The following PXDNL variants were observed in gnomAD, a reference collection of about 807,000 sequenced individuals.
The protein encoded by PXDNL is peroxidasin like, also known as probable oxidoreductase PXDNL.
A neutral mutation model predicts 150.8 loss-of-function variants in PXDNL; 145 were observed. The observed-to-expected ratio is 0.96, with a 90% CI of 0.84 to 1.10. The LOEUF (loss-of-function observed/expected upper bound fraction) is 1.10. PXDNL is among the 50% of genes least tolerant of loss of function. The probability of loss-of-function intolerance (pLI) is 0.00; values close to 1 mark genes in which losing one functional copy is unlikely to be tolerated. For missense variants in PXDNL, 2,087 were observed against 1,873.9 expected (o/e 1.11, Z -2.10); for synonymous variants, 757 against 725.7 (o/e 1.04, Z -0.69).
intron 4 of PXDNL, among the ~76,000 whole-genome samples, chr8:51,552,345 AAAG>A (rs1812507997): frequency 6.6e-6 from 1 of 152,176 alleles, no homozygotes; most frequent in Non-Finnish European, 1.5e-5. Context: ...ACCCACAGAA[AAAG>A]AAGTTATTAT....
At chr8:51,738,289 C>T (rs1266494293) in intron 1 of PXDNL, among the ~76,000 whole-genome samples, 1 of 152,148 alleles carries the variant, frequency 6.6e-6, no homozygotes, top group Non-Finnish European at 1.5e-5. Flanking sequence ...GATAGCCAGC[C>T]CTGCTCTCCA....
intron 2 of PXDNL, among the ~76,000 whole-genome samples, chr8:51,641,267 G>C (rs1814747686): frequency 6.6e-6 from 1 of 151,214 alleles, no homozygotes; most frequent in Non-Finnish European, 1.5e-5. Flanking sequence ...CAAAACCTAG[G>C]CATTACCATT....
chr8:51,808,568 C>T (rs1436094054), intron 1 of PXDNL, among the ~76,000 whole-genome samples: 10 of 152,188 alleles, frequency 6.6e-5, no homozygotes, highest in Admixed American at 6.5e-4. Context: ...TCTGGTTTGC[C>T]CTACTATCCC....
At chr8:51,511,498 G>T (rs1263600057) in intron 4 of PXDNL, among the ~76,000 whole-genome samples, 2 of 152,220 alleles carry the variant, frequency 1.3e-5, no homozygotes, top group African/African-American at 2.4e-5. Context: ...TGGTGCTGAG[G>T]TCAGCACGGG....
chr8:51,365,220 G>A (rs1465367850), intron 19 of PXDNL, among the ~76,000 whole-genome samples: 2 of 152,224 alleles, frequency 1.3e-5, no homozygotes, highest in Non-Finnish European at 2.9e-5. Flanking sequence ...TTACAGGCTT[G>A]AGCCACCAGG....
chr8:51,377,418 T>G (rs2915502), intron 17 of PXDNL, among the ~76,000 whole-genome samples: 4 of 152,116 alleles, frequency 2.6e-5, no homozygotes, highest in Admixed American at 6.5e-5. Flanking sequence ...ACTCTGGCCG[T>G]GCTTGAGGGG....
At chr8:51,694,544 T>C (rs565918618) in intron 1 of PXDNL, among the ~76,000 whole-genome samples, 1 of 152,290 alleles carries the variant, frequency 6.6e-6, no homozygotes, top group East Asian at 1.9e-4. Context: ...GATTCGTATA[T>C]TGTCTGACAC....
chr8:51,413,034 G>A (rs1019662504), intron 15 of PXDNL, 116 bp downstream of exon 15: 24 of 648,828 alleles, frequency 3.7e-5, no homozygotes, highest in Admixed American at 1.0e-4. Context: ...GCATACACAA[G>A]GACTAAAGAA....
At chr8:51,472,398 T>G in intron 7 of PXDNL, 94 bp from the exon 8 acceptor site, 1 of 893,122 alleles carries the variant, frequency 1.1e-6, no homozygotes, top group South Asian at 1.6e-5. Context: ...TTAAATTTAT[T>G]TCTACATTAA....
In PXDNL at chr8:51,408,635, C is replaced by T; in HGVS notation, c.2989G>A (p.Val997Ile). The T allele has an allele frequency of 6.2e-7, 1 of 1,608,236 alleles. No homozygotes were observed. Among genetic ancestry groups the T allele is most frequent in the Non-Finnish European group, 8.5e-7 (1 of 1,177,258 alleles). ...ALNPHWEGNT[V>I]YQEARKIVGA... ...ACGATCTTCCTGGCTTCCTGGTAAA[C>T]CGTGTTTCCCTCCCAGTGGGGGTTC... Residue 997 changes from valine (V) to isoleucine (I), a missense_variant, in exon 17 of 23, where the codon GTT becomes ATT. Coordinates refer to ENST00000356297, the MANE Select transcript of PXDNL (RefSeq NM_144651.5).
At chr8:51,593,458 T>C (rs1813492588) in intron 2 of PXDNL, among the ~76,000 whole-genome samples, 1 of 152,230 alleles carries the variant, frequency 6.6e-6, no homozygotes, top group Admixed American at 6.5e-5. Context: ...CACATGTTCC[T>C]GAATATTCTA....
intron 17 of PXDNL, among the ~76,000 whole-genome samples, chr8:51,377,979 G>GCTC (rs1394614057): frequency 6.6e-6 from 1 of 152,260 alleles, no homozygotes; most frequent in Non-Finnish European, 1.5e-5. Context: ...AGCCAGCTGG[G>GCTC]CTCCTGAGTC....
intron 1 of PXDNL, among the ~76,000 whole-genome samples, chr8:51,758,553 C>T (rs764491500): frequency 6.6e-6 from 1 of 152,150 alleles, no homozygotes; most frequent in Non-Finnish European, 1.5e-5. Context: ...AAGGGCGAGA[C>T]GTACTGGAGA....
intron 12 of PXDNL, among the ~76,000 whole-genome samples, chr8:51,438,416 C>T (rs1809458476): frequency 6.6e-6 from 1 of 152,134 alleles, no homozygotes; most frequent in African/African-American, 2.4e-5. Flanking sequence ...TCAAACTATA[C>T]TATAAGGTCA....
rs969411492 is a variant in PXDNL at position 51,654,624 on chromosome 8, C to T, written c.236+65G>A. 28 of 1,215,082 alleles carry T rather than the reference C, an allele frequency of 2.3e-5. 1 individual carries two copies. The highest frequency in any genetic ancestry group is 1.9e-4 in the South Asian group (15 of 80,844). The allele number at this position is 1,215,082 out of a possible 1,614,324, so 75.3% of individuals were successfully genotyped here. ...TTCTTGACACTCAGAATGACTTTCACGGTAAATTGCCATCCAACCAGCATA... is the reference window on the plus strand; with the variant it reads ...TTCTTGACACTCAGAATGACTTTCATGGTAAATTGCCATCCAACCAGCATA... On this transcript the variant is annotated intron_variant, in intron 2 of 22. Coordinates refer to ENST00000356297, the MANE Select transcript of PXDNL (RefSeq NM_144651.5).
chr8:51,732,087 C>G (rs1816944766), intron 1 of PXDNL, among the ~76,000 whole-genome samples: 1 of 152,204 alleles, frequency 6.6e-6, no homozygotes, highest in Non-Finnish European at 1.5e-5. Flanking sequence ...TCATCAGGCT[C>G]CAAATTTTCC....
intron 17 of PXDNL, among the ~76,000 whole-genome samples, chr8:51,376,209 C>T (rs562986347): frequency 2.0e-5 from 3 of 152,324 alleles, no homozygotes; most frequent in South Asian, 4.1e-4. Context: ...ACAATTCATA[C>T]ATCCACAAGA....
intron 1 of PXDNL, among the ~76,000 whole-genome samples, chr8:51,765,239 G>A (rs144688959): frequency 4.2e-4 from 64 of 152,218 alleles, no homozygotes; most frequent in African/African-American, 1.4e-3. Flanking sequence ...CCATGGGGGC[G>A]GTTTCCCCCT....
chr8:51,639,906 A>G (rs1814704599), intron 2 of PXDNL, among the ~76,000 whole-genome samples: 1 of 151,170 alleles, frequency 6.6e-6, no homozygotes, highest in African/African-American at 2.5e-5. Flanking sequence ...ACCAAAAAAG[A>G]GAATTTTAGA....
Sources: allele counts gnomAD v4.1 joint callset (sites outside exome capture counted in the v4.1 genomes callset), GRCh38; gene constraint gnomAD v4.1.1; transcripts MANE v1.5; gene names NCBI Gene and HGNC (gene_info 2026-07-23, HGNC 2026-07-21).